The following CCDC85A variants were observed in gnomAD, a reference collection of about 807,000 sequenced individuals.
CCDC85A encodes coiled-coil domain containing 85A.
Under a neutral mutation model 50.2 loss-of-function variants are expected in CCDC85A, and 38 were observed. The ratio of observed to expected loss-of-function variants is 0.76; its 90% confidence interval spans 0.58 to 0.99. CCDC85A has a LOEUF of 0.99. Among genes scored for constraint, CCDC85A ranks in the 50% least tolerant of loss-of-function variants. CCDC85A has a pLI of 0.00. For missense variants in CCDC85A, 820 were observed against 742.0 expected (o/e 1.11, Z -1.22); for synonymous variants, 366 against 301.4 (o/e 1.21, Z -2.22).
At chr2:56,208,388 T>A (rs1357976812) in intron 2 of CCDC85A, among the ~76,000 whole-genome samples, 1 of 152,176 alleles carries the variant, frequency 6.6e-6, no homozygotes, top group Non-Finnish European at 1.5e-5. Flanking sequence ...CATCCAGATA[T>A]ACACATCAAC....
chr2:56,214,301 G>C (rs1421592174), intron 2 of CCDC85A, among the ~76,000 whole-genome samples: 4 of 151,892 alleles, frequency 2.6e-5, no homozygotes, highest in African/African-American at 7.2e-5. Context: ...AGTATGAAGA[G>C]AGTCAATAGT....
At chr2:56,196,961 A>G (rs1332296474) in intron 2 of CCDC85A, among the ~76,000 whole-genome samples, 2 of 151,950 alleles carry the variant, frequency 1.3e-5, no homozygotes, top group South Asian at 4.2e-4. Context: ...AGCAAGTTTC[A>G]GTGAGCAGTA....
At chr2:56,328,650 C>G (rs1673598481) in intron 2 of CCDC85A, among the ~76,000 whole-genome samples, 1 of 152,146 alleles carries the variant, frequency 6.6e-6, no homozygotes, top group Admixed American at 6.5e-5. Context: ...CCCAGTTGTG[C>G]TCCTTCTCCA....
At chr2:56,196,117 A>C (rs974213620) in intron 2 of CCDC85A, among the ~76,000 whole-genome samples, 11 of 152,230 alleles carry the variant, frequency 7.2e-5, no homozygotes, top group African/African-American at 2.7e-4. Context: ...GATAAATTTT[A>C]GCTATTTTTT....
intron 2 of CCDC85A, among the ~76,000 whole-genome samples, chr2:56,270,216 C>CA (rs1434745750): frequency 6.6e-6 from 1 of 151,840 alleles, no homozygotes; most frequent in African/African-American, 2.4e-5. Flanking sequence ...TGGAAATTGG[C>CA]AAAATTTCAG....
At chr2:56,348,327 A>G (rs1057005323) in intron 3 of CCDC85A, among the ~76,000 whole-genome samples, 26 of 152,112 alleles carry the variant, frequency 1.7e-4, no homozygotes, top group Non-Finnish European at 8.8e-5. Flanking sequence ...CCATAGAGGC[A>G]CCCGGAACTG....
chr2:56,183,960 C>T (rs1309558537), upstream of CCDC85A: 12 of 985,258 alleles, frequency 1.2e-5, no homozygotes, highest in Non-Finnish European at 1.4e-5. Flanking sequence ...CTCCAGGCTC[C>T]TCCTCCAGCC....
intron 2 of CCDC85A, among the ~76,000 whole-genome samples, chr2:56,247,932 A>G (rs1274812246): frequency 6.6e-6 from 1 of 152,214 alleles, no homozygotes; most frequent in Non-Finnish European, 1.5e-5. Context: ...CAAGCCATTC[A>G]GAGAGAAAAG....
At chr2:56,338,914 C>T (rs1055017492) in intron 2 of CCDC85A, among the ~76,000 whole-genome samples, 1 of 152,098 alleles carries the variant, frequency 6.6e-6, no homozygotes, top group African/African-American at 2.4e-5. Context: ...ACAAAACAGC[C>T]TGAGTACTCT....
chr2:56,346,474 G>A (rs1348568292), intron 3 of CCDC85A, among the ~76,000 whole-genome samples: 1 of 152,184 alleles, frequency 6.6e-6, no homozygotes, highest in East Asian at 1.9e-4. Context: ...GGAGCCCACA[G>A]GAAGTGCTGA....
At chr2:56,265,782 C>G (rs1053285452) in intron 2 of CCDC85A, among the ~76,000 whole-genome samples, 5 of 151,638 alleles carry the variant, frequency 3.3e-5, no homozygotes, top group African/African-American at 9.7e-5. Flanking sequence ...ATCCAGCAGT[C>G]TCACTACTGG....
chr2:56,197,728 T>A (rs1451036379), intron 2 of CCDC85A, among the ~76,000 whole-genome samples: 1 of 152,212 alleles, frequency 6.6e-6, no homozygotes, highest in Non-Finnish European at 1.5e-5. Flanking sequence ...GAAGGACTGA[T>A]CCCAGCTGTT....
rs77703969 is a variant in CCDC85A, at chr2:56,309,704, A to G, written c.1241-33175A>G. On this transcript the variant is annotated intron_variant, in intron 2 of 5. Coordinates refer to ENST00000407595, the MANE Select transcript of CCDC85A (RefSeq NM_001080433.2). The stretch of plus-strand genomic sequence containing the variant: ...GGTTTTTGAACAAATTAAAGAAGCT[A>G]CTGTGTATCCCAATGTAAAAGGTTG... Among the ~76,000 whole-genome samples the G allele has an allele frequency of 7.4e-3, 1,129 of 152,246 alleles. 24 individuals carry two copies. Among genetic ancestry groups the G allele is most frequent in the African/African-American group, 0.025 (1,056 of 41,540 alleles).
intron 2 of CCDC85A, among the ~76,000 whole-genome samples, chr2:56,229,816 G>T (rs1432089411): frequency 6.6e-6 from 1 of 152,062 alleles, no homozygotes; most frequent in African/African-American, 2.4e-5. Context: ...AGCCTACCCC[G>T]TGTTTTGTCT....
chr2:56,283,782 T>C (rs1314517096), intron 2 of CCDC85A, among the ~76,000 whole-genome samples: 1 of 152,164 alleles, frequency 6.6e-6, no homozygotes, highest in African/African-American at 2.4e-5. Flanking sequence ...TTTTGATCTG[T>C]ATTGATAGTA....
At chr2:56,349,916 A>T (rs936839114) in intron 3 of CCDC85A, among the ~76,000 whole-genome samples, 1 of 151,978 alleles carries the variant, frequency 6.6e-6, no homozygotes, top group Non-Finnish European at 1.5e-5. Flanking sequence ...GCAAAAAATT[A>T]TGGGACCCTA....
chr2:56,275,372 A>G (rs1028133276), intron 2 of CCDC85A, among the ~76,000 whole-genome samples: 2 of 152,226 alleles, frequency 1.3e-5, no homozygotes, highest in Non-Finnish European at 2.9e-5. Context: ...GTAGCTCAGT[A>G]TAGCTAGAAG....
intron 2 of CCDC85A, among the ~76,000 whole-genome samples, chr2:56,317,006 A>T (rs1020196074): frequency 6.6e-6 from 1 of 152,124 alleles, no homozygotes; most frequent in African/African-American, 2.4e-5. Context: ...GTTAAAGTGG[A>T]CTTTCTATTC....
At chr2:56,295,991 T>A (rs759754079) in intron 2 of CCDC85A, among the ~76,000 whole-genome samples, 24 of 152,244 alleles carry the variant, frequency 1.6e-4, no homozygotes, top group Non-Finnish European at 3.1e-4. Flanking sequence ...TTCTTACATA[T>A]GCGATAAAGA....
Sources: allele counts gnomAD v4.1 joint callset (sites outside exome capture counted in the v4.1 genomes callset), GRCh38; gene constraint gnomAD v4.1.1; transcripts MANE v1.5; gene names NCBI Gene and HGNC (gene_info 2026-07-23, HGNC 2026-07-21).